The following CERK variants were observed in gnomAD, a reference collection of about 807,000 sequenced individuals.
CERK encodes acylsphingosine kinase.
CERK carries 39 observed loss-of-function variants against 63.4 expected under a neutral mutation model. That is an observed-to-expected ratio of 0.61 (90% confidence interval 0.48 to 0.80). The LOEUF (loss-of-function observed/expected upper bound fraction) is 0.80. Among genes scored for constraint, CERK ranks in the 30% least tolerant of loss-of-function variants. The pLI, the probability that CERK is intolerant of heterozygous loss-of-function variation, is 0.00. For missense variants in CERK, 670 were observed against 714.1 expected, an observed-to-expected ratio of 0.94 and a Z score of 0.70; for synonymous variants, 302 against 280.0, an observed-to-expected ratio of 1.08 and a Z score of -0.78.
chr22:46,712,106 T>C (rs1214953996), intron 4 of CERK, 62 bp downstream of exon 4: 57 of 1,588,342 alleles, frequency 3.6e-5, no homozygotes, highest in Non-Finnish European at 2.0e-5. Context: ...GAAACGTCTC[T>C]AGTGACTATA....
chr22:46,693,077 A>G (rs947962959), intron 10 of CERK, among the ~76,000 whole-genome samples: 1 of 152,128 alleles, frequency 6.6e-6, no homozygotes, highest in Admixed American at 6.5e-5. Context: ...CTGGACAGAG[A>G]CTGTGTGGTT....
Position 46,707,996 on chromosome 22 carries a change from A to G in CERK, c.570-8T>C. On this transcript the variant is annotated splice_region_variant and splice_polypyrimidine_tract_variant and intron_variant, in intron 5 of 12. Coordinates refer to ENST00000216264, the MANE Select transcript of CERK (RefSeq NM_022766.6). ...CCGCCGACACAGACGATGCTGCAGG[A>G]GGAACACAGCCGGTCAGGGCTCCTG... is the stretch of plus-strand genomic sequence containing the variant. 1 of 1,598,178 alleles carries G rather than the reference A, an allele frequency of 6.3e-7. No homozygotes were observed. The highest frequency in any genetic ancestry group is 2.2e-5 in the East Asian group (1 of 44,460).
chr22:46,736,705 G>T (rs1601735852), intron 1 of CERK, among the ~76,000 whole-genome samples: 1 of 152,258 alleles, frequency 6.6e-6, no homozygotes, highest in East Asian at 1.9e-4. Flanking sequence ...GCCACAGATA[G>T]GTGACCCCAG....
At chr22:46,734,512 G>T (rs1225304224) in intron 1 of CERK, among the ~76,000 whole-genome samples, 1 of 152,190 alleles carries the variant, frequency 6.6e-6, no homozygotes, top group Non-Finnish European at 1.5e-5. Context: ...CCTGTCCCTG[G>T]TGAGAAAACA....
At chr22:46,701,912 G>T (rs1169499268) in intron 6 of CERK, among the ~76,000 whole-genome samples, 1 of 152,200 alleles carries the variant, frequency 6.6e-6, no homozygotes, top group Non-Finnish European at 1.5e-5. Context: ...GCCGGGCGGT[G>T]GCTCACGCCT....
intron 3 of CERK, among the ~76,000 whole-genome samples, chr22:46,713,508 C>CAA (rs34168827): frequency 0.014 from 1,011 of 73,820 alleles, 28 homozygotes; most frequent in Admixed American, 0.029. Flanking sequence ...GACTTCATCT[C>CAA]AAAAAAAAAA....
intron 5 of CERK, 148 bp from the exon 6 acceptor site, chr22:46,708,136 T>A: frequency 1.1e-6 from 1 of 884,458 alleles, no homozygotes; most frequent in Non-Finnish European, 1.7e-6. Context: ...TGTCCCTAAG[T>A]GATAAGGTCG....
chr22:46,701,713 G>A lies in CERK; in HGVS notation c.716-3C>T. On this transcript the variant is annotated splice_polypyrimidine_tract_variant and splice_region_variant and intron_variant, in intron 6 of 12. Coordinates refer to ENST00000216264, the MANE Select transcript of CERK (RefSeq NM_022766.6). ...GTAACACACGCAGTCCGTTGACCCTGTAAAGGGAAAAAGAAGGTCCCAAAT... is the reference window on the plus strand; with the variant it reads ...GTAACACACGCAGTCCGTTGACCCTATAAAGGGAAAAAGAAGGTCCCAAAT... 1.3e-6 allele frequency: 2 copies of A among 1,553,240 alleles called. No homozygotes were observed. The highest frequency in any genetic ancestry group is 1.7e-4 in the Middle Eastern group (1 of 5,992).
chr22:46,721,757 G>C (rs988541324), intron 1 of CERK, among the ~76,000 whole-genome samples: 5 of 152,186 alleles, frequency 3.3e-5, no homozygotes, highest in African/African-American at 1.2e-4. Flanking sequence ...AAGTGAGGCA[G>C]AGCCCAAGTG....
At chr22:46,716,081 T>G (rs1475685783) in intron 3 of CERK, among the ~76,000 whole-genome samples, 1 of 152,080 alleles carries the variant, frequency 6.6e-6, no homozygotes, top group East Asian at 1.9e-4. Flanking sequence ...TCTCAGCTAC[T>G]TGCGAGGCTG....
At chr22:46,705,164 A>G (rs2082807026) in intron 6 of CERK, among the ~76,000 whole-genome samples, 1 of 152,260 alleles carries the variant, frequency 6.6e-6, no homozygotes, top group African/African-American at 2.4e-5. Flanking sequence ...AGGGATGTCC[A>G]CAAGGAAATC....
chr22:46,730,813 C>T (rs2082941737), intron 1 of CERK, among the ~76,000 whole-genome samples: 1 of 152,228 alleles, frequency 6.6e-6, no homozygotes, highest in Non-Finnish European at 1.5e-5. Flanking sequence ...GTTTCCTTTG[C>T]CTCGTCTATC....
chr22:46,700,957 G>A (rs944313460), intron 7 of CERK, among the ~76,000 whole-genome samples: 1 of 151,418 alleles, frequency 6.6e-6, no homozygotes, highest in African/African-American at 2.4e-5. Context: ...GTTGCGGTGA[G>A]CCAAGATAGC....
At chr22:46,703,026 C>T (rs559162357) in intron 6 of CERK, among the ~76,000 whole-genome samples, 3 of 152,150 alleles carry the variant, frequency 2.0e-5, no homozygotes, top group Non-Finnish European at 2.9e-5. Flanking sequence ...CCAGGACATG[C>T]GCATCATCTC....
chr22:46,734,659 A>G (rs1255327806), intron 1 of CERK, among the ~76,000 whole-genome samples: 7 of 152,240 alleles, frequency 4.6e-5, no homozygotes, highest in African/African-American at 1.4e-4. Context: ...GACCTTGATA[A>G]AATCGATTTT....
At chr22:46,737,291 CAAAA>C (rs34667609) in intron 1 of CERK, among the ~76,000 whole-genome samples, 5 of 69,344 alleles carry the variant, frequency 7.2e-5, no homozygotes, top group Non-Finnish European at 1.1e-4. Flanking sequence ...CACTCCGACT[CAAAA>C]AAAAAAAAAA....
intron 1 of CERK, among the ~76,000 whole-genome samples, 178 bp from the exon 2 acceptor site, chr22:46,721,193 G>A (rs1448034684): frequency 2.0e-5 from 3 of 152,048 alleles, no homozygotes; most frequent in Non-Finnish European, 2.9e-5. Context: ...AGGGAGGATC[G>A]CTTGAGCTCA....
chr22:46,702,448 C>T (rs959160460), intron 6 of CERK, among the ~76,000 whole-genome samples: 16 of 152,202 alleles, frequency 1.1e-4, no homozygotes, highest in South Asian at 4.1e-4. Context: ...CGCGCCACCA[C>T]GCCCTGGCTT....
chr22:46,691,082 C>CACAT (rs777072623), intron 11 of CERK, among the ~76,000 whole-genome samples: 1 of 151,704 alleles, frequency 6.6e-6, no homozygotes, highest in Admixed American at 6.6e-5. Flanking sequence ...CACACACACA[C>CACAT]ACATATATTT....
Sources: allele counts gnomAD v4.1 joint callset (sites outside exome capture counted in the v4.1 genomes callset), GRCh38; gene constraint gnomAD v4.1.1; transcripts MANE v1.5; gene names NCBI Gene and HGNC (gene_info 2026-07-23, HGNC 2026-07-21).